Variants in EYS observed in about 807,000 individuals in gnomAD.
EYS encodes the protein protein eyes shut homolog.
EYS carries 250 observed loss-of-function variants against 282.1 expected under a neutral mutation model. The observed-to-expected ratio is 0.89, with a 90% CI of 0.80 to 0.98. The LOEUF (loss-of-function observed/expected upper bound fraction) is 0.98. EYS is among the 50% of genes least tolerant of loss of function. The probability of loss-of-function intolerance (pLI) is 0.00; values close to 1 mark genes in which losing one functional copy is unlikely to be tolerated. For synonymous variants in EYS, 1,355 were observed against 1,282.9 expected, an observed-to-expected ratio of 1.06 and a Z score of -1.20; for missense variants, 4,016 against 3,709.0, an observed-to-expected ratio of 1.08 and a Z score of -2.15.
At chr6:64,545,885 T>TGGAA (rs1764845170) in intron 26 of EYS, among the ~76,000 whole-genome samples, 1 of 152,116 alleles carries the variant, frequency 6.6e-6, no homozygotes, top group South Asian at 2.1e-4. Flanking sequence ...TACAAACAAA[T>TGGAA]GGAAGAACAT....
At chr6:65,129,011 G>A (rs1051729254) in intron 12 of EYS, among the ~76,000 whole-genome samples, 13 of 151,782 alleles carry the variant, frequency 8.6e-5, no homozygotes, top group Non-Finnish European at 1.8e-4. Context: ...AAGTCATACA[G>A]CTACAACCAT....
At chr6:65,478,573 G>A (rs1484302414) in intron 5 of EYS, among the ~76,000 whole-genome samples, 1 of 152,032 alleles carries the variant, frequency 6.6e-6, no homozygotes, top group Non-Finnish European at 1.5e-5. Flanking sequence ...TCCATTTACT[G>A]GTTTCCTCAT....
At chr6:64,737,404 C>T (rs563226653) in intron 22 of EYS, among the ~76,000 whole-genome samples, 6 of 152,188 alleles carry the variant, frequency 3.9e-5, no homozygotes, top group East Asian at 1.9e-4. Context: ...AATGCAACCA[C>T]GCTTTAACCT....
chr6:64,877,495 G>A (rs770157867), intron 19 of EYS, among the ~76,000 whole-genome samples: 3 of 152,128 alleles, frequency 2.0e-5, no homozygotes, highest in Non-Finnish European at 1.5e-5. Flanking sequence ...ACAATTATGC[G>A]ATCCACTAAT....
intron 12 of EYS, among the ~76,000 whole-genome samples, chr6:65,248,670 G>T (rs879385296): frequency 1.3e-5 from 2 of 151,902 alleles, no homozygotes; most frequent in Non-Finnish European, 2.9e-5. Flanking sequence ...ACATTTAACT[G>T]TAAATAATAT....
intron 31 of EYS, among the ~76,000 whole-genome samples, chr6:64,137,781 T>C (rs1774210379): frequency 2.0e-5 from 3 of 152,118 alleles, no homozygotes. Flanking sequence ...TAAATCAGCA[T>C]AACATATACT....
intron 19 of EYS, among the ~76,000 whole-genome samples, chr6:64,878,631 C>A (rs1428318677): frequency 1.3e-5 from 2 of 151,790 alleles, no homozygotes; most frequent in African/African-American, 4.8e-5. Context: ...TCCCCCCACT[C>A]ATAATTTTTC....
chr6:64,033,848 A>C (rs192939277), intron 33 of EYS, among the ~76,000 whole-genome samples: 3,606 of 139,416 alleles, frequency 0.026, 54 homozygotes, highest in African/African-American at 0.045. Context: ...CTCTCTCTCT[A>C]TATATATATA....
At chr6:64,494,918 T>C (rs555985049) in intron 26 of EYS, among the ~76,000 whole-genome samples, 157 of 151,792 alleles carry the variant, frequency 1.0e-3, no homozygotes, top group Non-Finnish European at 1.8e-3. Context: ...TATAAATATC[T>C]ATATGATAAT....
chr6:65,160,483 A>C (rs1277425080), intron 12 of EYS, among the ~76,000 whole-genome samples: 1 of 150,836 alleles, frequency 6.6e-6, no homozygotes, highest in Non-Finnish European at 1.5e-5. Flanking sequence ...TATACTGATA[A>C]CCTTCAAATT....
intron 31 of EYS, among the ~76,000 whole-genome samples, chr6:64,083,799 G>A (rs1772054741): frequency 6.6e-6 from 1 of 152,158 alleles, no homozygotes; most frequent in Admixed American, 6.5e-5. Context: ...GTGCAATGGT[G>A]CAATCTTGGC....
chr6:65,130,873 A>C (rs1032954178), intron 12 of EYS, among the ~76,000 whole-genome samples: 1 of 151,576 alleles, frequency 6.6e-6, no homozygotes, highest in African/African-American at 2.4e-5. Flanking sequence ...TTTTAAAAAT[A>C]GTTTTAAAAT....
At chr6:64,177,229 C>T (rs1232872877) in intron 31 of EYS, among the ~76,000 whole-genome samples, 2 of 151,376 alleles carry the variant, frequency 1.3e-5, no homozygotes, top group Non-Finnish European at 3.0e-5. Context: ...TGAAAACATC[C>T]ATTTTTTTCT....
At chr6:63,896,519 G>A (rs1482255451) in intron 35 of EYS, among the ~76,000 whole-genome samples, 1 of 152,086 alleles carries the variant, frequency 6.6e-6, no homozygotes, top group Non-Finnish European at 1.5e-5. Flanking sequence ...TCCCACCTCA[G>A]AGCGGTACAT....
At chr6:64,100,956 C>T (rs1772805034) in intron 31 of EYS, among the ~76,000 whole-genome samples, 1 of 152,126 alleles carries the variant, frequency 6.6e-6, no homozygotes, top group East Asian at 1.9e-4. Context: ...TCAGTTTCAA[C>T]TCTTGATTTT....
intron 12 of EYS, among the ~76,000 whole-genome samples, chr6:65,142,085 A>G (rs1011569292): frequency 6.6e-6 from 1 of 152,056 alleles, no homozygotes; most frequent in African/African-American, 2.4e-5. Flanking sequence ...CAACTTGTTC[A>G]TTGTACATAT....
At chr6:63,829,356 TC>T (rs1388642432) in intron 36 of EYS, among the ~76,000 whole-genome samples, 2 of 152,210 alleles carry the variant, frequency 1.3e-5, no homozygotes. Flanking sequence ...ATTGGGACAC[TC>T]CCACCCTAAT....
At chr6:64,769,698 A>G (rs2149984974) in intron 22 of EYS, among the ~76,000 whole-genome samples, 1 of 152,128 alleles carries the variant, frequency 6.6e-6, no homozygotes, top group East Asian at 1.9e-4. Flanking sequence ...GCTTGATCTT[A>G]CAGAACCACG....
intron 35 of EYS, among the ~76,000 whole-genome samples, chr6:63,899,862 T>C (rs1773618841): frequency 6.6e-6 from 1 of 152,212 alleles, no homozygotes; most frequent in African/African-American, 2.4e-5. Context: ...GTTTGTTGAA[T>C]AAATAGATTC....
Sources: allele counts gnomAD v4.1 joint callset (sites outside exome capture counted in the v4.1 genomes callset), GRCh38; gene constraint gnomAD v4.1.1; transcripts MANE v1.5; gene names NCBI Gene and HGNC (gene_info 2026-07-23, HGNC 2026-07-21).